Variants in ALK observed in about 807,000 individuals in gnomAD.
ALK encodes the protein ALK receptor tyrosine kinase, also known as ALK tyrosine kinase receptor.
Under a neutral mutation model 163.1 loss-of-function variants are expected in ALK, and 74 were observed. The ratio of observed to expected loss-of-function variants is 0.45; its 90% CI spans 0.38 to 0.55. The LOEUF (loss-of-function observed/expected upper bound fraction) is 0.55, where lower values mean the gene tolerates loss of function less well. ALK is among the 20% of genes least tolerant of loss of function. The pLI, the probability that ALK is intolerant of heterozygous loss-of-function variation, is 0.00. For synonymous variants in ALK, 960 were observed against 843.2 expected, an observed-to-expected ratio of 1.14 and a Z score of -2.40; for missense variants, 2,063 against 2,105.3, an observed-to-expected ratio of 0.98 and a Z score of 0.39.
intron 5 of ALK, among the ~76,000 whole-genome samples, chr2:29,378,024 T>C (rs1332674982): frequency 6.6e-6 from 1 of 152,230 alleles, no homozygotes; most frequent in East Asian, 1.9e-4. Flanking sequence ...TGTGTTTTTG[T>C]AGGTTCCTGA....
intron 4 of ALK, among the ~76,000 whole-genome samples, chr2:29,421,755 C>T (rs1670020558): frequency 6.6e-6 from 1 of 151,492 alleles, no homozygotes; most frequent in Admixed American, 6.6e-5. Context: ...TCCTAAGTGC[C>T]AGCCACTGGT....
At chr2:29,765,645 A>C (rs76951699) in intron 1 of ALK, among the ~76,000 whole-genome samples, 1 of 151,712 alleles carries the variant, frequency 6.6e-6, no homozygotes, top group East Asian at 1.9e-4. Flanking sequence ...CTTTTTTTTT[A>C]AATTTAAATT....
At position 29,691,624 on chromosome 2, in the gene ALK, C is replaced by T. The variant is rs145952779; in HGVS notation, c.952+3226G>A. 3.3e-4 allele frequency among the ~76,000 whole-genome samples: 50 copies of T among 152,188 alleles called. No homozygotes were observed. In the East Asian group the frequency reaches 8.5e-3, roughly 26 times the overall value. ...GATCCAGCTTCATAAAAACTAAAGG[C>T]ATTGATATGTTTCCATGCTAAAGAA... On this transcript the variant is annotated intron_variant, in intron 3 of 28. Coordinates refer to ENST00000389048, the MANE Select transcript of ALK (RefSeq NM_004304.5).
intron 3 of ALK, among the ~76,000 whole-genome samples, chr2:29,667,659 A>G (rs1465935042): frequency 6.6e-6 from 1 of 152,006 alleles, no homozygotes; most frequent in Non-Finnish European, 1.5e-5. Flanking sequence ...ATGGTGAATA[A>G]TATTTTTAAT....
chr2:29,318,241 G>A (rs1401860128), intron 8 of ALK, 63 bp downstream of exon 8: 22 of 1,393,652 alleles, frequency 1.6e-5, no homozygotes, highest in Non-Finnish European at 2.2e-5. Context: ...TCTTAATCTG[G>A]GTTCCGGAAG....
intron 2 of ALK, among the ~76,000 whole-genome samples, chr2:29,710,527 T>TGC (rs933489010): frequency 1.3e-5 from 2 of 151,724 alleles, no homozygotes; most frequent in Non-Finnish European, 2.9e-5. Context: ...TGTGTGTGTG[T>TGC]GTGTGTATGA....
At chr2:29,767,448 C>A (rs1313766811) in intron 1 of ALK, among the ~76,000 whole-genome samples, 1 of 152,154 alleles carries the variant, frequency 6.6e-6, no homozygotes, top group Non-Finnish European at 1.5e-5. Flanking sequence ...CCCAGGAAAC[C>A]CATCAGTCCC....
intron 3 of ALK, among the ~76,000 whole-genome samples, chr2:29,635,789 T>TA (rs34940954): frequency 0.63 from 92,975 of 148,268 alleles, 29,896 homozygotes; most frequent in Middle Eastern, 0.76. Context: ...TTTTTTTTTT[T>TA]AATTATACTT....
intron 1 of ALK, among the ~76,000 whole-genome samples, chr2:29,750,045 C>G (rs76710677): frequency 3.3e-5 from 5 of 152,208 alleles, no homozygotes; most frequent in African/African-American, 4.8e-5. Flanking sequence ...AGGAAAGAGG[C>G]AGCAGGCAGA....
intron 4 of ALK, among the ~76,000 whole-genome samples, chr2:29,467,669 A>T (rs1671245336): frequency 6.6e-6 from 1 of 152,162 alleles, no homozygotes; most frequent in Non-Finnish European, 1.5e-5. Context: ...AGATCTTTTC[A>T]GGGACCCTCA....
Position 29,611,512 on chromosome 2 carries a change from T to A in ALK, c.953-79396A>T, listed in dbSNP as rs557687948. On this transcript the variant is annotated intron_variant, in intron 3 of 28. Coordinates refer to ENST00000389048, the MANE Select transcript of ALK (RefSeq NM_004304.5). ...TGTTTGTTTGCTGTTAACAGTTACA[T>A]GAAATGGTTATGTCAACCATCTGAA... 2.2e-4 allele frequency among the ~76,000 whole-genome samples: 33 copies of A among 152,304 alleles called. 1 individual carries two copies. The South Asian group carries it at 6.6e-3, about 31-fold the overall frequency.
At chr2:29,623,230 A>C (rs1344033295) in intron 3 of ALK, among the ~76,000 whole-genome samples, 1 of 152,146 alleles carries the variant, frequency 6.6e-6, no homozygotes, top group Non-Finnish European at 1.5e-5. Flanking sequence ...GAAATAATGT[A>C]AACTATGAAA....
intron 4 of ALK, among the ~76,000 whole-genome samples, chr2:29,455,831 G>A (rs560364931): frequency 1.3e-5 from 2 of 152,264 alleles, no homozygotes; most frequent in East Asian, 3.9e-4. Flanking sequence ...ATCTTTGGGT[G>A]GCTCTTGAAA....
chr2:29,881,823 C>T (rs1372913366), intron 1 of ALK, among the ~76,000 whole-genome samples: 1 of 152,170 alleles, frequency 6.6e-6, no homozygotes, highest in Non-Finnish European at 1.5e-5. Flanking sequence ...CTCATTATTA[C>T]TTTCATTACC....
At chr2:29,592,005 A>G (rs2148207509) in intron 3 of ALK, among the ~76,000 whole-genome samples, 1 of 152,188 alleles carries the variant, frequency 6.6e-6, no homozygotes, top group East Asian at 1.9e-4. Flanking sequence ...TACAAAGTCA[A>G]GGCTACCCAC....
At chr2:29,652,831 CT>C (rs1257270070) in intron 3 of ALK, among the ~76,000 whole-genome samples, 1 of 152,124 alleles carries the variant, frequency 6.6e-6, no homozygotes, top group East Asian at 1.9e-4. Context: ...CACCACACCC[CT>C]TCCCCATACC....
intron 3 of ALK, among the ~76,000 whole-genome samples, chr2:29,683,123 T>C (rs1490107336): frequency 6.6e-6 from 1 of 152,192 alleles, no homozygotes; most frequent in African/African-American, 2.4e-5. Context: ...ACACCTGTAA[T>C]CTCAGCACTT....
At chr2:29,202,899 ATCT>A (rs1669217504) in intron 26 of ALK, among the ~76,000 whole-genome samples, 4 of 152,178 alleles carry the variant, frequency 2.6e-5, no homozygotes, top group Admixed American at 2.6e-4. Flanking sequence ...TATTTGTGTC[ATCT>A]TCTCTCTAAT....
At chr2:29,282,121 C>T (rs188140367) in intron 9 of ALK, among the ~76,000 whole-genome samples, 19 of 152,200 alleles carry the variant, frequency 1.2e-4, no homozygotes, top group South Asian at 4.2e-4. Flanking sequence ...TTAGTGGGCT[C>T]GGAAGAAGGG....
Sources: gnomAD v4.1 joint callset for allele counts (sites outside exome capture counted in the v4.1 genomes callset) on GRCh38, gnomAD v4.1.1 for gene constraint, MANE v1.5 for transcripts, NCBI Gene and HGNC (gene_info 2026-07-23, HGNC 2026-07-21) for gene names.